Variants in FGF10 observed in about 807,000 individuals in gnomAD.
FGF10 encodes the protein FGF-10.
Under a neutral mutation model 19.8 loss-of-function variants are expected in FGF10, and 2 were observed. The observed-to-expected ratio is 0.10, with a 90% CI of 0.04 to 0.32. FGF10 has a LOEUF of 0.32. Among genes scored for constraint, FGF10 ranks in the 10% least tolerant of loss-of-function variants. FGF10 has a pLI of 1.00. For synonymous variants in FGF10, 112 were observed against 94.0 expected, an observed-to-expected ratio of 1.19 and a Z score of -1.10; for missense variants, 191 against 246.3, an observed-to-expected ratio of 0.78 and a Z score of 1.50.
At chr5:44,335,695 T>C (rs1200465813) in intron 1 of FGF10, among the ~76,000 whole-genome samples, 1 of 152,026 alleles carries the variant, frequency 6.6e-6, no homozygotes, top group Non-Finnish European at 1.5e-5. Flanking sequence ...ATGATTAGAG[T>C]TGCCTGTCTA....
At chr5:44,323,606 T>C (rs1253328749) in intron 1 of FGF10, among the ~76,000 whole-genome samples, 1 of 152,156 alleles carries the variant, frequency 6.6e-6, no homozygotes, top group Non-Finnish European at 1.5e-5. Context: ...ATGTGGGAAA[T>C]GGATTGTTAG....
At chr5:44,319,032 G>A (rs1740420618) in intron 1 of FGF10, among the ~76,000 whole-genome samples, 1 of 152,130 alleles carries the variant, frequency 6.6e-6, no homozygotes, top group Non-Finnish European at 1.5e-5. Flanking sequence ...GAAATCCAGA[G>A]AGATTGAGGG....
intron 1 of FGF10, among the ~76,000 whole-genome samples, chr5:44,370,018 C>A (rs149804958): frequency 6.0e-4 from 91 of 152,102 alleles, no homozygotes; most frequent in African/African-American, 2.0e-3. Context: ...AACATATTTG[C>A]CCCCCTCCTC....
At chr5:44,323,756 T>A (rs1740550017) in intron 1 of FGF10, among the ~76,000 whole-genome samples, 1 of 152,112 alleles carries the variant, frequency 6.6e-6, no homozygotes, top group African/African-American at 2.4e-5. Context: ...AGACCAGAAA[T>A]TATCCCATTA....
intron 1 of FGF10, among the ~76,000 whole-genome samples, chr5:44,318,018 TTG>T (rs1205727845): frequency 6.6e-6 from 1 of 152,078 alleles, no homozygotes; most frequent in Non-Finnish European, 1.5e-5. Context: ...CTAGAAAAGC[TTG>T]TGTTCCCCTG....
chr5:44,303,079 A>C lies in FGF10; in HGVS notation c.*1916T>G, dbSNP rs1739998476. ...AACCACAAAAATTAAACATTTTTAT[A>C]ATCTCATTTGCCAAAAAGCAAGTTG... On this transcript the variant is annotated 3_prime_UTR_variant, in exon 3 of 3. Coordinates refer to ENST00000264664, the MANE Select transcript of FGF10 (RefSeq NM_004465.2). 6.6e-6 allele frequency among the ~76,000 whole-genome samples: 1 copy of C among 152,218 alleles called. No homozygotes were observed. Among genetic ancestry groups the C allele is most frequent in the African/African-American group, 2.4e-5 (1 of 41,466 alleles).
chr5:44,355,662 C>T, intron 1 of FGF10, among the ~76,000 whole-genome samples: 1 of 151,142 alleles, frequency 6.6e-6, no homozygotes, highest in East Asian at 2.0e-4. Context: ...CCATATTTTT[C>T]CGCAATACTT....
intron 1 of FGF10, among the ~76,000 whole-genome samples, chr5:44,337,901 C>T (rs1221796193): frequency 1.3e-5 from 2 of 152,020 alleles, no homozygotes; most frequent in African/African-American, 4.8e-5. Flanking sequence ...AATTGTGCCA[C>T]TGCACTCCAG....
intron 1 of FGF10, among the ~76,000 whole-genome samples, chr5:44,345,417 A>T (rs1741066830): frequency 6.6e-6 from 1 of 151,834 alleles, no homozygotes; most frequent in African/African-American, 2.4e-5. Context: ...TTGAACTTCC[A>T]TTCATCTTAA....
intron 1 of FGF10, among the ~76,000 whole-genome samples, chr5:44,366,109 C>A (rs1025787508): frequency 7.2e-6 from 1 of 139,218 alleles, no homozygotes; most frequent in Non-Finnish European, 1.5e-5. Context: ...ACTCTCTCAC[C>A]TCTATATCAA....
At chr5:44,369,911 C>T (rs1039248546) in intron 1 of FGF10, among the ~76,000 whole-genome samples, 2 of 152,012 alleles carry the variant, frequency 1.3e-5, no homozygotes, top group South Asian at 4.1e-4. Flanking sequence ...CTCAAAAGAC[C>T]TTTGTCCTTT....
At position 44,304,692 on chromosome 5, in the gene FGF10, G is replaced by A. The variant is rs981174689; in HGVS notation, c.*303C>T. 3 of 369,536 alleles carry A rather than the reference G, an allele frequency of 8.1e-6. No individual in the cohort carries two copies. Among genetic ancestry groups the A allele is most frequent in the Non-Finnish European group, 1.5e-5 (3 of 197,134 alleles). The allele number at this position is 369,536 out of a possible 1,614,324, so 22.9% of individuals were successfully genotyped here. A position where few individuals can be genotyped will look rare whatever the true frequency, so the allele number is the denominator to read the frequency against. ...TATGTCCTTTAAGTTCTATCTCAGA[G>A]GTTTAAAAACAAAAACTTGACAACA... is the stretch of plus-strand genomic sequence containing the variant. On this transcript the variant is annotated 3_prime_UTR_variant, in exon 3 of 3. Transcript: ENST00000264664.
intron 1 of FGF10, among the ~76,000 whole-genome samples, chr5:44,314,782 T>A (rs1740297676): frequency 6.6e-6 from 1 of 152,156 alleles, no homozygotes; most frequent in Admixed American, 6.6e-5. Context: ...CCCCTAGCAA[T>A]CATGTTGGAC....
chr5:44,330,376 T>C (rs1235092010), intron 1 of FGF10, among the ~76,000 whole-genome samples: 1 of 152,196 alleles, frequency 6.6e-6, no homozygotes, highest in Non-Finnish European at 1.5e-5. Context: ...GAAGTTGGTT[T>C]CTGTTAGCAG....
At chr5:44,320,889 T>C (rs2111725451) in intron 1 of FGF10, among the ~76,000 whole-genome samples, 1 of 152,168 alleles carries the variant, frequency 6.6e-6, no homozygotes, top group Non-Finnish European at 1.5e-5. Context: ...TTTTGTATTT[T>C]TTGTATATAT....
chr5:44,327,675 T>A (rs920358614), intron 1 of FGF10, among the ~76,000 whole-genome samples: 2 of 152,184 alleles, frequency 1.3e-5, no homozygotes, highest in African/African-American at 4.8e-5. Flanking sequence ...CTATCTTTCT[T>A]CCTCTAGACA....
intron 1 of FGF10, among the ~76,000 whole-genome samples, chr5:44,343,809 T>C (rs758761307): frequency 6.6e-5 from 10 of 152,008 alleles, no homozygotes; most frequent in Admixed American, 1.3e-4. Context: ...ATATTGGCTT[T>C]CCCTTTATTA....
At chr5:44,325,029 A>G (rs1449614747) in intron 1 of FGF10, among the ~76,000 whole-genome samples, 1 of 152,200 alleles carries the variant, frequency 6.6e-6, no homozygotes, top group African/African-American at 2.4e-5. Flanking sequence ...AGGATCTTAT[A>G]AATGATATCC....
chr5:44,334,901 G>C (rs1352602762), intron 1 of FGF10, among the ~76,000 whole-genome samples: 1 of 152,088 alleles, frequency 6.6e-6, no homozygotes, highest in Non-Finnish European at 1.5e-5. Flanking sequence ...GTAAGCATAA[G>C]ATAAATCCCT....
Sources: gnomAD v4.1 joint callset for allele counts (sites outside exome capture counted in the v4.1 genomes callset) on GRCh38, gnomAD v4.1.1 for gene constraint, MANE v1.5 for transcripts, NCBI Gene and HGNC (gene_info 2026-07-23, HGNC 2026-07-21) for gene names.